Variants in TBCD observed in about 807,000 individuals in gnomAD.
TBCD encodes the protein tubulin-specific chaperone D.
Under a neutral mutation model 169.3 loss-of-function variants are expected in TBCD, and 105 were observed. The observed-to-expected ratio is 0.62, with a 90% CI of 0.53 to 0.73. The LOEUF is 0.73. TBCD is among the 30% of genes least tolerant of loss of function. TBCD has a pLI of 0.00. For synonymous variants in TBCD, 700 were observed against 643.9 expected, an observed-to-expected ratio of 1.09 and a Z score of -1.32; for missense variants, 1,444 against 1,600.1, an observed-to-expected ratio of 0.90 and a Z score of 1.66.
intron 7 of TBCD, among the ~76,000 whole-genome samples, chr17:82,796,537 G>A (rs894799409): frequency 2.0e-5 from 3 of 152,182 alleles, no homozygotes; most frequent in African/African-American, 7.2e-5. Context: ...AGGGAGGTGG[G>A]TGCTGCCACT....
intron 14 of TBCD, among the ~76,000 whole-genome samples, chr17:82,875,668 G>A (rs879565603): frequency 6.6e-6 from 1 of 152,242 alleles, no homozygotes; most frequent in Non-Finnish European, 1.5e-5. Flanking sequence ...GGATTGTCCT[G>A]GAAAATCAGG....
chr17:82,844,236 T>TGTGTGTGTGTGTGTGTGTGTGTGTGTGTG (rs59037028), intron 13 of TBCD, among the ~76,000 whole-genome samples: 5 of 151,140 alleles, frequency 3.3e-5, no homozygotes, highest in East Asian at 1.9e-4. Context: ...TGTGTGTGTG[T>TGTGTGTGTGTGTGTGTGTGTGTGTGTGTG]TTAAAGACCT....
intron 13 of TBCD, among the ~76,000 whole-genome samples, chr17:82,860,926 C>T (rs917651871): frequency 2.6e-5 from 4 of 152,304 alleles, no homozygotes; most frequent in Middle Eastern, 6.8e-3. Context: ...CCACCGCATC[C>T]GGCCCTGGAC....
At chr17:82,866,255 C>T (rs1233739235) in intron 13 of TBCD, among the ~76,000 whole-genome samples, 1 of 152,162 alleles carries the variant, frequency 6.6e-6, no homozygotes, top group Non-Finnish European at 1.5e-5. Context: ...CCAAGTCCTC[C>T]CCTTTATCCC....
chr17:82,869,250 C>T (rs1416652819), intron 13 of TBCD, among the ~76,000 whole-genome samples: 1 of 152,214 alleles, frequency 6.6e-6, no homozygotes, highest in Admixed American at 6.5e-5. Context: ...TACAGTAAAA[C>T]TTTAGCTTCT....
At chr17:82,803,295 G>C (rs2050710310) in intron 9 of TBCD, among the ~76,000 whole-genome samples, 2 of 152,188 alleles carry the variant, frequency 1.3e-5, no homozygotes, top group African/African-American at 4.8e-5. Flanking sequence ...CAGGGACTTA[G>C]GTGAAAGTCA....
Position 82,925,021 on chromosome 17 carries a change from C to T in TBCD, c.2343C>T (p.Ala781=). The change falls in exon 27 of 39, where the codon GCC becomes GCT. Residue 781 remains alanine, a synonymous_variant. Coordinates refer to ENST00000355528, the MANE Select transcript of TBCD (RefSeq NM_005993.5). ...TRCGFSLALG[A]LPGFLLKGRL... The stretch of plus-strand genomic sequence containing the variant: ...GTGGCTTCTCGTTGGCCTTGGGCGC[C>T]CTTCCAGGCTTCCTTCTGAAAGGCC... The T allele has an allele frequency of 1.3e-6, 2 of 1,568,026 alleles. No individual in the cohort carries two copies. The highest frequency in any genetic ancestry group is 1.7e-6 in the Non-Finnish European group (2 of 1,155,564).
chr17:82,771,735 C>G (rs2048321301), intron 5 of TBCD, among the ~76,000 whole-genome samples: 1 of 152,138 alleles, frequency 6.6e-6, no homozygotes, highest in South Asian at 2.1e-4. Context: ...GAGCTTTGCT[C>G]ACACCACTGT....
Position 82,920,048 on chromosome 17 carries a change from C to T in TBCD, c.2039-508C>T, listed in dbSNP as rs543948685. Among the ~76,000 whole-genome samples, 7 of 152,312 alleles carry T rather than the reference C, an allele frequency of 4.6e-5. No individual in the cohort carries two copies. The highest frequency in any genetic ancestry group is 4.1e-4 in the South Asian group (2 of 4,826). ...TGATGCTGTCCAGTCGTCTCTGTCT[C>T]GTGCGTCCTGGCCCCCTCGTGGCTG... On this transcript the variant is annotated intron_variant, in intron 23 of 38. Transcript: ENST00000355528. The surrounding 1 kb of genome is among the most constrained non-coding windows in gnomAD (Gnocchi z 4.1).
chr17:82,903,571 G>A lies in TBCD; in HGVS notation c.1804+93G>A. 7.7e-7 allele frequency: 1 copy of A among 1,304,470 alleles called. No homozygotes were observed. Among genetic ancestry groups the A allele is most frequent in the Non-Finnish European group, 1.1e-6 (1 of 935,504 alleles). The allele number at this position is 1,304,470 out of a possible 1,614,324, so 80.8% of individuals were successfully genotyped here. A position where few individuals can be genotyped will look rare whatever the true frequency, so the allele number is the denominator to read the frequency against. ...TTCAAAGGCTGGGGGCTGAAAATAA[G>A]GTTGTGCTTCTGTCTTGGTGAGAAG... On this transcript the variant is annotated intron_variant, in intron 19 of 38. Transcript: ENST00000355528. The surrounding 1 kb of genome is among the most constrained non-coding windows in gnomAD (Gnocchi z 4.8).
At chr17:82,813,828 G>A (rs1187106600) in intron 12 of TBCD, among the ~76,000 whole-genome samples, 1 of 152,222 alleles carries the variant, frequency 6.6e-6, no homozygotes, top group Non-Finnish European at 1.5e-5. Context: ...GTGACAGTGA[G>A]CTCTGAGGAG....
chr17:82,883,181 C>G (rs1487523058), intron 14 of TBCD, among the ~76,000 whole-genome samples: 2 of 152,266 alleles, frequency 1.3e-5, no homozygotes, highest in Non-Finnish European at 2.9e-5. Context: ...GTCAACTTCC[C>G]TGGAACAAGG....
chr17:82,898,973 C>T (rs977741722), intron 17 of TBCD, among the ~76,000 whole-genome samples: 3 of 152,266 alleles, frequency 2.0e-5, no homozygotes, highest in Non-Finnish European at 2.9e-5. Flanking sequence ...TCCTTCCCCC[C>T]AGCCTGTGTG....
At chr17:82,842,901 C>T (rs770177558) in intron 13 of TBCD, among the ~76,000 whole-genome samples, 1 of 151,758 alleles carries the variant, frequency 6.6e-6, no homozygotes, top group Non-Finnish European at 1.5e-5. Flanking sequence ...TTGCCTCAGC[C>T]TCCCAAGTAG....
At position 82,851,070 on chromosome 17, in the gene TBCD, C is replaced by T. The variant is rs567892694; in HGVS notation, c.1319-19154C>T. Among the ~76,000 whole-genome samples, 14 of 152,322 alleles carry T rather than the reference C, an allele frequency of 9.2e-5. No individual in the cohort carries two copies. The East Asian group carries it at 2.5e-3, about 27-fold the overall frequency. ...TTTGTAGGCACCTGAGGAACATTCA[C>T]AGATATTACACAGCCAGGCCATAAA... On this transcript the variant is annotated intron_variant, in intron 13 of 38. Transcript: ENST00000355528.
Position 82,942,443 on chromosome 17 carries a change from C to T in TBCD, c.3565-6C>T. The stretch of plus-strand genomic sequence containing the variant: ...CCAGCCTGAGCTTGTCTTGTCTCTT[C>T]TTCAGCCTGGTGCCTGCTGAAGCCA... On this transcript the variant is annotated splice_region_variant and splice_polypyrimidine_tract_variant and intron_variant, in intron 38 of 38. Coordinates refer to ENST00000355528, the MANE Select transcript of TBCD (RefSeq NM_005993.5). 6.2e-7 allele frequency: 1 copy of T among 1,613,992 alleles called. No homozygotes were observed. The highest frequency in any genetic ancestry group is 8.5e-7 in the Non-Finnish European group (1 of 1,179,890).
rs561241027 is a variant in TBCD at position 82,869,490 on chromosome 17, A to G, written c.1319-734A>G. On this transcript the variant is annotated intron_variant, in intron 13 of 38. Transcript: ENST00000355528. ...AGCCAAGATTGTGGCACTGCACTCC[A>G]GCCTGGGAGACAGAGCCAGACCCTG... Among the ~76,000 whole-genome samples the G allele has an allele frequency of 5.8e-4, 89 of 152,322 alleles. 1 individual carries two copies. Among genetic ancestry groups the G allele is most frequent in the African/African-American group, 2.0e-3 (85 of 41,572 alleles).
chr17:82,901,234 G>A (rs1189618300), intron 18 of TBCD, among the ~76,000 whole-genome samples: 1 of 152,208 alleles, frequency 6.6e-6, no homozygotes, highest in African/African-American at 2.4e-5. Context: ...GTGCGGTCTG[G>A]AGCATAAACA....
rs745905899 is a variant in TBCD, at chr17:82,789,771, C to T, written c.772-7986C>T. On this transcript the variant is annotated intron_variant, in intron 7 of 38. Transcript: ENST00000355528. The surrounding 1 kb of genome is among the most constrained non-coding windows in gnomAD (Gnocchi z 4.8). ...TTACCTGATTTCTGTCCTTGGTTCT[C>T]GAGCCCTCCTTCTGTGGACCCGTTG... Among the ~76,000 whole-genome samples, 76 of 152,310 alleles carry T rather than the reference C, an allele frequency of 5.0e-4. No individual in the cohort carries two copies. Among genetic ancestry groups the T allele is most frequent in the Non-Finnish European group, 8.8e-4 (60 of 68,024 alleles).
Sources: allele counts gnomAD v4.1 joint callset (sites outside exome capture counted in the v4.1 genomes callset), GRCh38; gene constraint gnomAD v4.1.1; non-coding constraint Gnocchi (gnomAD v3.1); transcripts MANE v1.5; gene names NCBI Gene and HGNC (gene_info 2026-07-23, HGNC 2026-07-21).